POGZ: variants seen among roughly 807,000 people sequenced by gnomAD.
POGZ encodes the protein pogo transposable element with ZNF domain.
In POGZ, 17 loss-of-function variants were observed where a neutral mutation model predicts 134.6. That is an observed-to-expected ratio of 0.13 (90% CI 0.09 to 0.19). The LOEUF is 0.19. POGZ is among the 10% of genes least tolerant of loss of function. The probability of loss-of-function intolerance (pLI) is 1.00; values close to 1 mark genes in which losing one functional copy is unlikely to be tolerated. For missense variants in POGZ, 1,306 were observed against 1,769.7 expected (o/e 0.74, Z 4.70); for synonymous variants, 693 against 657.1 (o/e 1.05, Z -0.84).
chr1:151,456,480 GTTCT>G (rs1485233044), intron 1 of POGZ, among the ~76,000 whole-genome samples: 2 of 152,090 alleles, frequency 1.3e-5, no homozygotes, highest in East Asian at 1.9e-4. Context: ...TCTGCTAGTC[GTTCT>G]TTCAAGTAAA....
At chr1:151,418,791 T>C (rs887398162) in intron 10 of POGZ, among the ~76,000 whole-genome samples, 1 of 150,478 alleles carries the variant, frequency 6.6e-6, no homozygotes, top group African/African-American at 2.4e-5. Context: ...TTTGGGAAGC[T>C]AAGGTGGGTG....
Position 151,403,625 on chromosome 1 carries a change from A to G in POGZ, c.*1177T>C. 1.0e-6 allele frequency: 1 copy of G among 985,758 alleles called. No individual in the cohort carries two copies. Among genetic ancestry groups the G allele is most frequent in the Non-Finnish European group, 1.2e-6 (1 of 829,814 alleles). The allele number at this position is 985,758 out of a possible 1,614,324, so 61.1% of individuals were successfully genotyped here. A position where few individuals can be genotyped will look rare whatever the true frequency, so the allele number is the denominator to read the frequency against. On this transcript the variant is annotated 3_prime_UTR_variant, in exon 19 of 19. Coordinates refer to ENST00000271715, the MANE Select transcript of POGZ (RefSeq NM_015100.4). The stretch of plus-strand genomic sequence containing the variant: ...CCTTGAAGCTGGCAGTGAAAAATAA[A>G]GATTCATGTCATTTTCTTTGTGCAC...
Position 151,411,748 on chromosome 1 carries a change from G to C in POGZ, c.1803C>G (p.Leu601=). 6.2e-7 allele frequency: 1 copy of C among 1,612,908 alleles called. No individual in the cohort carries two copies. The highest frequency in any genetic ancestry group is 8.5e-7 in the Non-Finnish European group (1 of 1,179,308). The change falls in exon 12 of 19, where the codon CTC becomes CTG. Residue 601 remains leucine (L), a synonymous_variant. Coordinates refer to ENST00000271715, the MANE Select transcript of POGZ (RefSeq NM_015100.4). ...GAAAATGGACATCTACCTCAGAGTAGAGTGAGGAGCGATATTGACACACCT... is the reference window on the plus strand; with the variant it reads ...GAAAATGGACATCTACCTCAGAGTACAGTGAGGAGCGATATTGACACACCT... ...VCQVCQYRSS[L]YSEVDVHFRM...
At chr1:151,445,143 A>C (rs1333953189) in intron 1 of POGZ, among the ~76,000 whole-genome samples, 1 of 152,224 alleles carries the variant, frequency 6.6e-6, no homozygotes, top group Non-Finnish European at 1.5e-5. Context: ...ACTACTTTTT[A>C]ATCAAGTGAG....
At chr1:151,437,608 C>T (rs7530212) in intron 3 of POGZ, among the ~76,000 whole-genome samples, 2,514 of 151,864 alleles carry the variant, frequency 0.017, 85 homozygotes, top group African/African-American at 0.058. Flanking sequence ...AGAAATTAGC[C>T]GAGCATGGCA....
At chr1:151,411,051 C>A (rs906032681) in intron 12 of POGZ, among the ~76,000 whole-genome samples, 3 of 152,198 alleles carry the variant, frequency 2.0e-5, no homozygotes, top group African/African-American at 7.2e-5. Context: ...TTAATCCATT[C>A]TCTGCAGTGC....
intron 10 of POGZ, among the ~76,000 whole-genome samples, chr1:151,418,933 G>A (rs1359111607): frequency 6.9e-6 from 1 of 145,084 alleles, no homozygotes; most frequent in Admixed American, 7.3e-5. Flanking sequence ...GCTGAGGCAG[G>A]AGAATCGCTT....
rs1431280492 is a variant in POGZ, at chr1:151,406,907, T to C, written c.2545+4A>G. The C allele has an allele frequency of 1.2e-6, 2 of 1,606,524 alleles. No homozygotes were observed. The highest frequency in any genetic ancestry group is 1.7e-6 in the Non-Finnish European group (2 of 1,173,028). ...CTCAACTAATCCCCTTCTCTCCTAC[T>C]TACCCCGTGGCAGGATGCTGCTGGA... On this transcript the variant is annotated splice_donor_region_variant and intron_variant, in intron 17 of 18. Transcript: ENST00000271715.
chr1:151,437,169 G>A (rs1177487052), intron 3 of POGZ, among the ~76,000 whole-genome samples: 1 of 151,534 alleles, frequency 6.6e-6, no homozygotes, highest in Non-Finnish European at 1.5e-5. Flanking sequence ...ACTCCAGCCT[G>A]GGCAACAAAG....
At chr1:151,427,049 C>T (rs970591754) in intron 7 of POGZ, 2 of 151,424 alleles carry the variant, frequency 1.3e-5, no homozygotes, top group Non-Finnish European at 2.9e-5. Flanking sequence ...GGACTGCAGA[C>T]ATACACCACC....
chr1:151,435,217 A>G (rs11578888), intron 3 of POGZ, among the ~76,000 whole-genome samples: 97,748 of 152,064 alleles, frequency 0.64, 34,913 homozygotes, highest in Non-Finnish European at 0.82. Context: ...CATTCTTTTA[A>G]GTTTACTTCC....
intron 15 of POGZ, among the ~76,000 whole-genome samples, chr1:151,407,676 C>CAT (rs1167574063): frequency 2.6e-5 from 4 of 152,116 alleles, no homozygotes; most frequent in African/African-American, 9.7e-5. Context: ...AAGGAGGAAA[C>CAT]ATATTAGAAG....
chr1:151,433,316 T>C (rs12025432), intron 3 of POGZ, among the ~76,000 whole-genome samples: 23,828 of 152,060 alleles, frequency 0.16, 2,158 homozygotes, highest in East Asian at 0.34. Context: ...TGTTAGAATT[T>C]TTCCAAAAAG....
At chr1:151,437,467 G>C (rs1395994519) in intron 3 of POGZ, among the ~76,000 whole-genome samples, 1 of 152,082 alleles carries the variant, frequency 6.6e-6, no homozygotes, top group African/African-American at 2.4e-5. Context: ...ATTCTCATTT[G>C]CTGGTGGGGA....
rs781387105 is a variant in POGZ at position 151,408,572 on chromosome 1, G to A, written c.2071C>T (p.Arg691Trp). 2.5e-6 allele frequency: 4 copies of A among 1,610,558 alleles called. No homozygotes were observed. Among genetic ancestry groups the A allele is most frequent in the Middle Eastern group, 1.7e-4 (1 of 6,042 alleles). The change falls in exon 14 of 19, where the codon CGG becomes TGG. Residue 691 changes from arginine (R) to tryptophan (W), a missense_variant. By Grantham distance (101) the Arg-to-Trp change is moderately radical. Around this residue, in one of 10 missense-constraint regions of POGZ, gnomAD observed 149 missense variants for 237.5 expected, o/e 0.63. Coordinates refer to ENST00000271715, the MANE Select transcript of POGZ (RefSeq NM_015100.4). ...GLKPGTKVTI[R>W]ASRGQPRTVP... ...GTTCGTGGCTGCCCTCGGGAAGCCCGGATTGTCACCTGAGAACCAAGGGAA... is the reference window on the plus strand; with the variant it reads ...GTTCGTGGCTGCCCTCGGGAAGCCCAGATTGTCACCTGAGAACCAAGGGAA...
At chr1:151,458,136 T>G (rs1392703660) in intron 1 of POGZ, among the ~76,000 whole-genome samples, 4 of 151,854 alleles carry the variant, frequency 2.6e-5, no homozygotes, top group African/African-American at 9.7e-5. Context: ...TTTTCTGAAC[T>G]AAGAATGTCT....
rs1491166806 is a variant in POGZ, at chr1:151,417,688, C to CCCCA, written c.1679-5293_1679-5292insTGGG. On this transcript the variant is annotated intron_variant, in intron 10 of 18. Coordinates refer to ENST00000271715, the MANE Select transcript of POGZ (RefSeq NM_015100.4). ...TTAGATCTTAACAAAGGTACTGTGG[C>CCCCA]CACACACACACACACACACACACAC... is the stretch of plus-strand genomic sequence containing the variant. 1.4e-3 allele frequency among the ~76,000 whole-genome samples: 194 copies of CCCCA among 137,568 alleles called. 1 individual carries two copies. The highest frequency in any genetic ancestry group is 5.1e-3 in the African/African-American group (186 of 36,604). The allele number at this position is 137,568 out of a possible 152,430, so 90.2% of individuals were successfully genotyped here.
intron 3 of POGZ, among the ~76,000 whole-genome samples, chr1:151,435,955 TTTC>T (rs1408800141): frequency 3.4e-5 from 3 of 88,922 alleles, no homozygotes; most frequent in African/African-American, 1.0e-4. Flanking sequence ...AACATTTTCT[TTTC>T]TTTTTTTTTT....
intron 10 of POGZ, among the ~76,000 whole-genome samples, chr1:151,415,501 T>G (rs1655468341): frequency 6.6e-6 from 1 of 151,534 alleles, no homozygotes; most frequent in Non-Finnish European, 1.5e-5. Flanking sequence ...AAACCCCGTC[T>G]CTACTAAAAA....
Sources: gnomAD v4.1 joint callset for allele counts (sites outside exome capture counted in the v4.1 genomes callset) on GRCh38, gnomAD v4.1.1 for gene constraint, gnomAD v4.1.1 regional missense constraint, MANE v1.5 for transcripts, NCBI Gene and HGNC (gene_info 2026-07-23, HGNC 2026-07-21) for gene names.